MSRB2: variants seen among roughly 807,000 people sequenced by gnomAD.
MSRB2 encodes the protein methionine-R-sulfoxide reductase B2, mitochondrial.
A neutral mutation model predicts 19.0 loss-of-function variants in MSRB2; 17 were observed. The observed-to-expected ratio is 0.89, with a 90% CI of 0.61 to 1.34. The LOEUF is 1.34. Among genes scored for constraint, MSRB2 ranks in the 40% most tolerant of loss-of-function variants. MSRB2 has a pLI of 0.00. For missense variants in MSRB2, 208 were observed against 237.6 expected (o/e 0.88, Z 0.82); for synonymous variants, 107 against 99.7 (o/e 1.07, Z -0.44).
chr10:23,107,886 G>A (rs1420183029), intron 2 of MSRB2, among the ~76,000 whole-genome samples: 4 of 152,228 alleles, frequency 2.6e-5, no homozygotes, highest in Non-Finnish European at 4.4e-5. Context: ...GGAAACATCA[G>A]GAAGCTAGGC....
chr10:23,095,856 CCT>C, intron 1 of MSRB2, 130 bp downstream of exon 1: 1 of 498,526 alleles, frequency 2.0e-6, no homozygotes, highest in Non-Finnish European at 3.0e-6. Context: ...TCGGCGCGCC[CCT>C]CCCCCCCCCC....
chr10:23,106,611 A>G (rs78503653), intron 2 of MSRB2, among the ~76,000 whole-genome samples: 10,217 of 152,204 alleles, frequency 0.067, 928 homozygotes, highest in African/African-American at 0.2. Flanking sequence ...AAATCGCTAG[A>G]GCCCAGCGTT....
intron 2 of MSRB2, among the ~76,000 whole-genome samples, chr10:23,108,999 A>AGGGAAT (rs991338098): frequency 4.6e-5 from 7 of 152,300 alleles, no homozygotes; most frequent in African/African-American, 1.7e-4. Flanking sequence ...ATACTACCAC[A>AGGGAAT]GGGAATTTGG....
chr10:23,120,355 G>A (rs553226985), intron 4 of MSRB2, among the ~76,000 whole-genome samples: 49 of 152,318 alleles, frequency 3.2e-4, no homozygotes, highest in African/African-American at 8.7e-4. Context: ...TTAAGATAGC[G>A]TGGTTTTGCC....
chr10:23,113,384 C>T (rs1464540552), intron 3 of MSRB2, among the ~76,000 whole-genome samples: 4 of 152,020 alleles, frequency 2.6e-5, no homozygotes, highest in Non-Finnish European at 5.9e-5. Context: ...ATAGCACACA[C>T]CATGGGTTTT....
At chr10:23,118,348 T>TG (rs1840138863) in intron 3 of MSRB2, among the ~76,000 whole-genome samples, 1 of 149,714 alleles carries the variant, frequency 6.7e-6, no homozygotes, top group Non-Finnish European at 1.5e-5. Flanking sequence ...TTTTTTTTTT[T>TG]TTTTTTTTGG....
At chr10:23,118,782 G>A (rs1158912416) in intron 3 of MSRB2, among the ~76,000 whole-genome samples, 1 of 152,152 alleles carries the variant, frequency 6.6e-6, no homozygotes, top group Non-Finnish European at 1.5e-5. Context: ...TTCAAGAGCT[G>A]TGGTTTCACA....
chr10:23,101,462 C>T (rs923018972), intron 1 of MSRB2, among the ~76,000 whole-genome samples: 8 of 152,194 alleles, frequency 5.3e-5, no homozygotes, highest in African/African-American at 1.9e-4. Context: ...AATTGTGCTA[C>T]TATAAACGTG....
intron 4 of MSRB2, among the ~76,000 whole-genome samples, chr10:23,119,742 C>T (rs1339572551): frequency 6.6e-6 from 1 of 152,102 alleles, no homozygotes. Context: ...TTACAGGTGC[C>T]TGCCACCACA....
At chr10:23,114,220 C>T (rs574149859) in intron 3 of MSRB2, among the ~76,000 whole-genome samples, 37 of 152,050 alleles carry the variant, frequency 2.4e-4, no homozygotes, top group Middle Eastern at 3.4e-3. Context: ...CGTGGTAGCA[C>T]ATGCCTGTAA....
chr10:23,104,617 T>G (rs1194890896), intron 2 of MSRB2, among the ~76,000 whole-genome samples: 2 of 151,914 alleles, frequency 1.3e-5, no homozygotes. Context: ...ACCATATCAC[T>G]CCCCAGCTCA....
rs896081658 is a variant in MSRB2, at chr10:23,121,904, C to A, written c.*1042C>A. 1.3e-5 allele frequency: 2 copies of A among 152,092 alleles called. No homozygotes were observed. The highest frequency in any genetic ancestry group is 2.4e-5 in the African/African-American group (1 of 41,374). 9.4% of individuals were successfully genotyped at this position (152,092 alleles called of 1,614,324 possible). ...AACCATTCTACCCACAAATAAACTG[C>A]AATAGGACTTGGTTAGATTTCAATG... is the stretch of plus-strand genomic sequence containing the variant. On this transcript the variant is annotated 3_prime_UTR_variant, in exon 5 of 5. Coordinates refer to ENST00000376510, the MANE Select transcript of MSRB2 (RefSeq NM_012228.4).
At chr10:23,107,311 C>A (rs994148384) in intron 2 of MSRB2, among the ~76,000 whole-genome samples, 1 of 152,242 alleles carries the variant, frequency 6.6e-6, no homozygotes, top group Non-Finnish European at 1.5e-5. Context: ...CTAACCAACC[C>A]CATCTGGCCT....
At position 23,110,305 on chromosome 10, in the gene MSRB2, A is replaced by T; in HGVS notation, c.283A>T (p.Ser95Cys). ...AATGTATCATTGCGTGTGCTGCGAC[A>T]GTCCACTCTTCAGGTAAGATAAAGA... ...AGMYHCVCCD[S>C]PLFSSEKKYC... Residue 95 changes from serine (S) to cysteine (C), a missense_variant, in exon 3 of 5, where the codon AGT becomes TGT. Transcript: ENST00000376510. The T allele has an allele frequency of 1.2e-6, 2 of 1,613,856 alleles. No individual in the cohort carries two copies. Among genetic ancestry groups the T allele is most frequent in the South Asian group, 2.2e-5 (2 of 91,044 alleles).
At chr10:23,096,603 G>T (rs1375654720) in intron 1 of MSRB2, among the ~76,000 whole-genome samples, 1 of 152,178 alleles carries the variant, frequency 6.6e-6, no homozygotes, top group African/African-American at 2.4e-5. Context: ...CCCAACTGAT[G>T]AAAATGTACC....
At chr10:23,104,488 C>T (rs563657630) in intron 2 of MSRB2, among the ~76,000 whole-genome samples, 10 of 152,206 alleles carry the variant, frequency 6.6e-5, no homozygotes, top group Admixed American at 2.6e-4. Flanking sequence ...TTCCATGCAC[C>T]GCTGTCACCT....
chr10:23,108,090 T>C (rs1840004238), intron 2 of MSRB2, among the ~76,000 whole-genome samples: 1 of 151,968 alleles, frequency 6.6e-6, no homozygotes, highest in African/African-American at 2.4e-5. Flanking sequence ...CCCGAGTAGC[T>C]GGGATTACAG....
intron 2 of MSRB2, among the ~76,000 whole-genome samples, chr10:23,104,726 T>A (rs12771511): frequency 0.12 from 18,531 of 152,074 alleles, 1,174 homozygotes; most frequent in Non-Finnish European, 0.14. Flanking sequence ...TATCCTCAAA[T>A]CCAGCCATCT....
At chr10:23,106,387 G>A (rs183165504) in intron 2 of MSRB2, among the ~76,000 whole-genome samples, 116 of 152,302 alleles carry the variant, frequency 7.6e-4, no homozygotes, top group African/African-American at 2.6e-3. Flanking sequence ...CTAGACCAAC[G>A]AATAAATTTA....
Sources: allele counts gnomAD v4.1 joint callset (sites outside exome capture counted in the v4.1 genomes callset), GRCh38; gene constraint gnomAD v4.1.1; transcripts MANE v1.5; gene names NCBI Gene and HGNC (gene_info 2026-07-23, HGNC 2026-07-21).